ZNF716: variants seen among roughly 807,000 people sequenced by gnomAD.
ZNF716 encodes zinc finger protein 716.
Under a neutral mutation model 13.4 loss-of-function variants are expected in ZNF716, and 9 were observed. The ratio of observed to expected loss-of-function variants is 0.67; its 90% confidence interval spans 0.41 to 1.18. The LOEUF (loss-of-function observed/expected upper bound fraction) is 1.18, where lower values mean the gene tolerates loss of function less well. ZNF716 is among the 50% of genes most tolerant of loss of function. The probability of loss-of-function intolerance (pLI) is 0.01; values close to 1 mark genes in which losing one functional copy is unlikely to be tolerated. For synonymous variants in ZNF716, 186 were observed against 195.2 expected (o/e 0.95, Z 0.39); for missense variants, 581 against 576.6 (o/e 1.01, Z -0.08).
At chr7:57,450,998 C>T (rs10231707) in intron 1 of ZNF716, among the ~76,000 whole-genome samples, 1 of 150,684 alleles carries the variant, frequency 6.6e-6, no homozygotes, top group Admixed American at 6.7e-5. Flanking sequence ...GAATATTTTT[C>T]TTCAAGAAAG....
chr7:57,469,699 G>A lies in ZNF716; in HGVS notation c.1238G>A (p.Cys413Tyr). ...GAGAAACCCTACAAATGTGAAGAAT[G>A]TGGCAAAGCCTTTAACTGCTCCTCA... is the stretch of plus-strand genomic sequence containing the variant. ...TGEKPYKCEE[C>Y]GKAFNCSSTL... Residue 413 changes from cysteine to tyrosine, a missense_variant, in exon 4 of 4, where the codon TGT becomes TAT. Coordinates refer to ENST00000420713, the MANE Select transcript of ZNF716 (RefSeq NM_001159279.1). The A allele has an allele frequency of 1.9e-6, 3 of 1,611,510 alleles. No individual in the cohort carries two copies. The highest frequency in any genetic ancestry group is 1.1e-5 in the South Asian group (1 of 90,944).
chr7:57,459,562 A>G (rs1482707632), intron 1 of ZNF716, among the ~76,000 whole-genome samples: 1 of 152,212 alleles, frequency 6.6e-6, no homozygotes, highest in East Asian at 1.9e-4. Flanking sequence ...ACTTGTTGAA[A>G]AAGCCCATTC....
intron 1 of ZNF716, among the ~76,000 whole-genome samples, chr7:57,456,591 C>T (rs565383018): frequency 7.2e-5 from 11 of 152,070 alleles, no homozygotes; most frequent in African/African-American, 1.4e-4. Flanking sequence ...AAAAATTAGC[C>T]GAGCATGGTG....
rs1398443567 is a variant in ZNF716 at position 57,471,100 on chromosome 7, A to G, written c.*1151A>G. The G allele has an allele frequency of 6.6e-6, 1 of 152,136 alleles. No homozygotes were observed. The highest frequency in any genetic ancestry group is 1.5e-5 in the Non-Finnish European group (1 of 68,024). 9.4% of individuals were successfully genotyped at this position (152,136 alleles called of 1,614,324 possible). A position where few individuals can be genotyped will look rare whatever the true frequency, so the allele number is the denominator to read the frequency against. On this transcript the variant is annotated 3_prime_UTR_variant, in exon 4 of 4. Transcript: ENST00000420713. ...TTAATGTCTGTTCACATCTTACTCA[A>G]TATCAGAAAGTTTATACTTAACAAA...
chr7:57,463,472 C>G (rs781815148), intron 3 of ZNF716, among the ~76,000 whole-genome samples: 2 of 152,104 alleles, frequency 1.3e-5, no homozygotes, highest in African/African-American at 4.8e-5. Flanking sequence ...TGGGGACACA[C>G]AAATATCTGC....
At position 57,469,033 on chromosome 7, in the gene ZNF716, G is replaced by A. The variant is rs147112692; in HGVS notation, c.572G>A (p.Gly191Asp). The change falls in exon 4 of 4, where the codon GGC becomes GAC. Residue 191 changes from glycine to aspartate, a missense_variant. Gly to Asp is a moderately conservative substitution (Grantham distance 94). Coordinates refer to ENST00000420713, the MANE Select transcript of ZNF716 (RefSeq NM_001159279.1). ...AAACATTTCAAATGTAAAAACGATG[G>A]CAAATCATTTTGCATGCTTTCACGC... The part of the protein sequence containing the change: ...GKKHFKCKND[G>D]KSFCMLSRLN... 3,988 of 1,607,648 alleles carry A rather than the reference G, an allele frequency of 2.5e-3. 6 individuals carry two copies. Among genetic ancestry groups the A allele is most frequent in the Non-Finnish European group, 3.2e-3 (3,718 of 1,176,342 alleles).
intron 1 of ZNF716, among the ~76,000 whole-genome samples, chr7:57,457,921 T>C (rs1789632709): frequency 6.6e-6 from 1 of 152,198 alleles, no homozygotes; most frequent in East Asian, 1.9e-4. Flanking sequence ...GATTTTCTGC[T>C]CCTGCACCAG....
At chr7:57,461,967 C>T (rs1405808130) in intron 1 of ZNF716, among the ~76,000 whole-genome samples, 2 of 152,066 alleles carry the variant, frequency 1.3e-5, no homozygotes, top group Non-Finnish European at 2.9e-5. Context: ...CAAGACCAGC[C>T]TGGCCAACAT....
In ZNF716 at chr7:57,462,466, T is replaced by C. The variant is rs558786825; in HGVS notation, c.46T>C (p.Leu16=). The change falls in exon 2 of 4, where the codon TTG becomes CTG. Residue 16 remains leucine (L), a synonymous_variant. Coordinates refer to ENST00000420713, the MANE Select transcript of ZNF716 (RefSeq NM_001159279.1). ...GTTTATTTTTTGTTTTTAGGGACTG[T>C]TGACATTCAGAGACATAGCTATAGA... ...GPPGSREMGL[L]TFRDIAIEFS... 64 of 1,613,846 alleles carry C rather than the reference T, an allele frequency of 4.0e-5. No homozygotes were observed. In the South Asian group the frequency reaches 7.0e-4, roughly 18 times the overall value.
intron 1 of ZNF716, among the ~76,000 whole-genome samples, chr7:57,460,880 G>A (rs1227016725): frequency 6.6e-6 from 1 of 152,146 alleles, no homozygotes; most frequent in South Asian, 2.1e-4. Flanking sequence ...TTGCTCTCCA[G>A]GGTGCTAAGG....
rs782755792 is a variant in ZNF716, at chr7:57,469,996, A to G, written c.*47A>G. The G allele has an allele frequency of 1.4e-6, 2 of 1,461,206 alleles. No individual in the cohort carries two copies. Among genetic ancestry groups the G allele is most frequent in the Admixed American group, 2.7e-5 (1 of 36,608 alleles). The allele number at this position is 1,461,206 out of a possible 1,614,324, so 90.5% of individuals were successfully genotyped here. A position where few individuals can be genotyped will look rare whatever the true frequency, so the allele number is the denominator to read the frequency against. ...GGCCTTATAATACATAAAATAATTT[A>G]TACTGGAAAAAATCACTACAAGTGT... On this transcript the variant is annotated 3_prime_UTR_variant, in exon 4 of 4. Transcript: ENST00000420713.
intron 1 of ZNF716, among the ~76,000 whole-genome samples, chr7:57,451,968 T>C (rs564771014): frequency 6.6e-6 from 1 of 151,934 alleles, no homozygotes; most frequent in Non-Finnish European, 1.5e-5. Context: ...GGTTTCACCA[T>C]TTTGGCCAGG....
intron 1 of ZNF716, among the ~76,000 whole-genome samples, chr7:57,452,221 T>C (rs189214309): frequency 2.3e-3 from 347 of 152,348 alleles, no homozygotes; most frequent in African/African-American, 8.0e-3. Flanking sequence ...TCCTTTCTTG[T>C]ATGTTTCAGA....
At chr7:57,467,412 A>G (rs1487204170) in intron 3 of ZNF716, among the ~76,000 whole-genome samples, 1 of 152,166 alleles carries the variant, frequency 6.6e-6, no homozygotes, top group East Asian at 1.9e-4. Context: ...TGCAGTGCTT[A>G]TATGCTTTTC....
chr7:57,462,736 A>C, intron 2 of ZNF716, 150 bp downstream of exon 2: 1 of 1,029,800 alleles, frequency 9.7e-7, no homozygotes, highest in South Asian at 1.7e-5. Flanking sequence ...CAAATTCTTC[A>C]AGATGTTTTA....
At chr7:57,467,780 A>G (rs1789841657) in intron 3 of ZNF716, among the ~76,000 whole-genome samples, 2 of 151,108 alleles carry the variant, frequency 1.3e-5, no homozygotes. Flanking sequence ...GTTTATTTTT[A>G]TTATTCCAAG....
Position 57,462,537 on chromosome 7 carries a change from T to A in ZNF716, c.117T>A (p.Asn39Lys). 6.2e-7 allele frequency: 1 copy of A among 1,613,754 alleles called. No homozygotes were observed. Among genetic ancestry groups the A allele is most frequent in the South Asian group, 1.1e-5 (1 of 91,006 alleles). Residue 39 changes from asparagine to lysine, a missense_variant, in exon 2 of 4, where the codon AAT becomes AAA. Physicochemically the swap from Asn to Lys is moderately conservative, Grantham distance 94. Coordinates refer to ENST00000420713, the MANE Select transcript of ZNF716 (RefSeq NM_001159279.1). ...AATGCCTGGATCATGCTCAGCAGAATTTATATAGAGATGTGATGTTAGAGA... is the reference window on the plus strand; with the variant it reads ...AATGCCTGGATCATGCTCAGCAGAAATTATATAGAGATGTGATGTTAGAGA... ...EWQCLDHAQQNLYRDVMLENY... is the reference protein window; with the variant it reads ...EWQCLDHAQQKLYRDVMLENY...
Position 57,451,032 on chromosome 7 carries a change from T to G in ZNF716, c.39+705T>G, listed in dbSNP as rs1031054224. ...AGTAATTTCCAAGAAATGCATTTTT[T>G]TTTTTTTGAGAGGGAGTCTCGCTCT... On this transcript the variant is annotated intron_variant, in intron 1 of 3. Transcript: ENST00000420713. Among the ~76,000 whole-genome samples the G allele has an allele frequency of 2.6e-5, 4 of 152,120 alleles. 1 individual carries two copies. The East Asian group carries it at 7.7e-4, about 29-fold the overall frequency.
Position 57,451,964 on chromosome 7 carries a change from A to C in ZNF716, c.39+1637A>C, listed in dbSNP as rs182979555. Among the ~76,000 whole-genome samples the C allele has an allele frequency of 3.1e-4, 45 of 145,700 alleles. 2 individuals are homozygous for C. Among genetic ancestry groups the C allele is most frequent in the African/African-American group, 1.1e-3 (43 of 39,288 alleles). Reference sequence around the variant, plus strand: ...GTATTTTTAATAGAGATGGGGTTTCACCATTTTGGCCAGGCTGGTCTCAAA... The same window carrying C: ...GTATTTTTAATAGAGATGGGGTTTCCCCATTTTGGCCAGGCTGGTCTCAAA... On this transcript the variant is annotated intron_variant, in intron 1 of 3. Transcript: ENST00000420713.
Sources: allele counts gnomAD v4.1 joint callset (sites outside exome capture counted in the v4.1 genomes callset), GRCh38; gene constraint gnomAD v4.1.1; transcripts MANE v1.5; gene names NCBI Gene and HGNC (gene_info 2026-07-23, HGNC 2026-07-21).